GGNBP2: variants seen among roughly 807,000 people sequenced by gnomAD.
GGNBP2 encodes gametogenetin-binding protein 2.
GGNBP2 carries 10 observed loss-of-function variants against 85.9 expected under a neutral mutation model. That is an observed-to-expected ratio of 0.12 (90% CI 0.07 to 0.20). The LOEUF is 0.20. GGNBP2 is among the 10% of genes least tolerant of loss of function. The pLI is 1.00. For synonymous variants in GGNBP2, 287 were observed against 285.7 expected (o/e 1.00, Z -0.05); for missense variants, 595 against 857.8 (o/e 0.69, Z 3.83).
chr17:36,587,479 T>C (rs2142793743), intron 13 of GGNBP2: 1 of 511,082 alleles, frequency 2.0e-6, no homozygotes. Flanking sequence ...ACATTATAGG[T>C]ATTCCTTGAG....
At chr17:36,567,346 AATAT>A (rs1048837074) in intron 5 of GGNBP2, among the ~76,000 whole-genome samples, 41 of 152,330 alleles carry the variant, frequency 2.7e-4, no homozygotes, top group African/African-American at 9.1e-4. Flanking sequence ...AACATGTTCT[AATAT>A]CTTAATCATT....
At chr17:36,559,614 G>A (rs1423462180) in intron 4 of GGNBP2, among the ~76,000 whole-genome samples, 1 of 152,116 alleles carries the variant, frequency 6.6e-6, no homozygotes, top group Non-Finnish European at 1.5e-5. Context: ...TTGAACAGAG[G>A]AATAATGTAA....
chr17:36,587,017 T>C lies in GGNBP2; in HGVS notation c.1662T>C (p.Cys554=). 6.2e-7 allele frequency: 1 copy of C among 1,613,648 alleles called. No individual in the cohort carries two copies. Among genetic ancestry groups the C allele is most frequent in the South Asian group, 1.1e-5 (1 of 91,066 alleles). ...ATCAGATCCAGAAGCTTGGAAGCTG[T>C]ATTACAGATCCAGGTAATCGAGAGA... The part of the protein sequence containing the change: ...CDEHIQKLGS[C]ITDPGNRETS... Residue 554 remains cysteine (C), a synonymous_variant, in exon 13 of 14, where the codon TGT becomes TGC. Coordinates refer to ENST00000613102, the MANE Select transcript of GGNBP2 (RefSeq NM_024835.5).
chr17:36,554,352 A>AT (rs780217291), intron 2 of GGNBP2, among the ~76,000 whole-genome samples: 2,592 of 44,480 alleles, frequency 0.058, 314 homozygotes, highest in Middle Eastern at 0.071. Context: ...ATGTACTTGA[A>AT]TTTTTTTTTT....
In GGNBP2 at chr17:36,585,383, C is replaced by T. The variant is rs764220816; in HGVS notation, c.1299C>T (p.Thr433=). The change falls in exon 10 of 14, where the codon ACC becomes ACT. Residue 433 remains threonine (T), a synonymous_variant. Transcript: ENST00000613102. ...ATACTTGTGTAGAAGTAATTGTTAC[C>T]AATGAAAATACATCATGTACCTGTC... ...DGNTCVEVIV[T]NENTSCTCPS... 6.2e-7 allele frequency: 1 copy of T among 1,611,890 alleles called. No individual in the cohort carries two copies. The highest frequency in any genetic ancestry group is 8.5e-7 in the Non-Finnish European group (1 of 1,178,258).
At chr17:36,550,934 AAC>A (rs1279993431) in intron 2 of GGNBP2, among the ~76,000 whole-genome samples, 9 of 152,222 alleles carry the variant, frequency 5.9e-5, no homozygotes, top group African/African-American at 1.9e-4. Context: ...CATCTCTTAA[AAC>A]ACTGAACAGC....
chr17:36,568,287 A>T (rs2074488083), intron 6 of GGNBP2, among the ~76,000 whole-genome samples: 1 of 149,392 alleles, frequency 6.7e-6, no homozygotes, highest in Admixed American at 6.7e-5. Context: ...AGCATCTCCT[A>T]TTTTGTGATT....
At chr17:36,550,024 G>C (rs979054927) in intron 2 of GGNBP2, among the ~76,000 whole-genome samples, 1 of 151,386 alleles carries the variant, frequency 6.6e-6, no homozygotes, top group Non-Finnish European at 1.5e-5. Context: ...TGCAACCTCC[G>C]CCTTCCAGGT....
At chr17:36,577,454 C>G (rs2074602679) in intron 6 of GGNBP2, 1 of 153,474 alleles carries the variant, frequency 6.5e-6, no homozygotes, top group Admixed American at 6.5e-5. Context: ...ACACCACTTT[C>G]CCATTCTTCT....
At chr17:36,556,961 G>A in intron 3 of GGNBP2, 122 bp from the exon 4 acceptor site, 3 of 1,116,538 alleles carry the variant, frequency 2.7e-6, no homozygotes, top group South Asian at 2.8e-5. Context: ...TCAGTTGCAG[G>A]TAGAGCTGGT....
intron 3 of GGNBP2, among the ~76,000 whole-genome samples, chr17:36,555,650 C>A (rs535542381): frequency 6.6e-6 from 1 of 152,060 alleles, no homozygotes; most frequent in East Asian, 1.9e-4. Context: ...CAGCTGAGAT[C>A]GCATCACTGC....
intron 3 of GGNBP2, among the ~76,000 whole-genome samples, chr17:36,555,550 G>A (rs898054057): frequency 5.9e-5 from 9 of 152,100 alleles, no homozygotes; most frequent in African/African-American, 2.2e-4. Flanking sequence ...AAAAAAGTTG[G>A]GCAGACATGG....
intron 13 of GGNBP2, among the ~76,000 whole-genome samples, chr17:36,588,948 A>G (rs1359358947): frequency 6.6e-6 from 1 of 150,422 alleles, no homozygotes; most frequent in African/African-American, 2.5e-5. Context: ...AGGCCAAGGT[A>G]TGGTGGTAGT....
At chr17:36,567,819 A>T in intron 6 of GGNBP2, 43 bp downstream of exon 6, 1 of 1,025,838 alleles carries the variant, frequency 9.7e-7, no homozygotes, top group Non-Finnish European at 1.5e-6. Context: ...AAGGTGCCTT[A>T]TGTGTCAGTC....
chr17:36,589,298 A>C lies in GGNBP2; in HGVS notation c.1981A>C (p.Asn661His), dbSNP rs751467624. 6.2e-7 allele frequency: 1 copy of C among 1,612,674 alleles called. No individual in the cohort carries two copies. The highest frequency in any genetic ancestry group is 8.5e-7 in the Non-Finnish European group (1 of 1,178,666). ...FMANNQSFYSNREQYRQHLKE... is the reference protein window; with the variant it reads ...FMANNQSFYSHREQYRQHLKE... ...GGCTAATAACCAGTCTTTCTACAGCAATAGAGAACAATACCGACAGCATCT... is the reference window on the plus strand; with the variant it reads ...GGCTAATAACCAGTCTTTCTACAGCCATAGAGAACAATACCGACAGCATCT... The change falls in exon 14 of 14, where the codon AAT (asparagine) becomes CAT (histidine). Residue 661 changes from asparagine to histidine, a missense_variant. Asn to His is a moderately conservative substitution (Grantham distance 68, BLOSUM62 1). Around this residue, in one of 9 missense-constraint regions of GGNBP2, gnomAD observed 12 missense variants for 38.2 expected, o/e 0.31. Coordinates refer to ENST00000613102, the MANE Select transcript of GGNBP2 (RefSeq NM_024835.5).
chr17:36,553,475 A>T (rs1263720789), intron 2 of GGNBP2, among the ~76,000 whole-genome samples: 1 of 152,220 alleles, frequency 6.6e-6, no homozygotes. Flanking sequence ...ATATGGAAGG[A>T]AAGGAATGGT....
chr17:36,554,806 G>A lies in GGNBP2; in HGVS notation c.94-14G>A, dbSNP rs201262222. 1 of 1,534,742 alleles carries A rather than the reference G, an allele frequency of 6.5e-7. No homozygotes were observed. Among genetic ancestry groups the A allele is most frequent in the Non-Finnish European group, 9.0e-7 (1 of 1,107,652 alleles). ...GGGTAAAGTAATTGATTTCCGTTCTGTTTGCATTTTAAGATGGTGATGGAA... is the reference window on the plus strand; with the variant it reads ...GGGTAAAGTAATTGATTTCCGTTCTATTTGCATTTTAAGATGGTGATGGAA... On this transcript the variant is annotated splice_polypyrimidine_tract_variant and intron_variant, in intron 2 of 13. Transcript: ENST00000613102.
Position 36,576,609 on chromosome 17 carries a change from G to A in GGNBP2, c.642-1374G>A, listed in dbSNP as rs1377434632. The A allele has an allele frequency of 6.7e-4, 80 of 119,200 alleles. 2 individuals carry two copies. The highest frequency in any genetic ancestry group is 1.6e-3 in the East Asian group (7 of 4,460). The allele number at this position is 119,200 out of a possible 1,614,324, so 7.4% of individuals were successfully genotyped here. On this transcript the variant is annotated intron_variant, in intron 6 of 13. Transcript: ENST00000613102. ...AATATATATATATGTGTGTGTGTGT[G>A]TGTGTGTGTGTGTGTGTGTGTATAT...
rs887053537 is a variant in GGNBP2, at chr17:36,584,397, G to A, written c.1216-903G>A. ...CTGTCGCCCACAGTGGAGTGCGGTG[G>A]TGTGATCTTGGCTCACTGCAGGCTC... On this transcript the variant is annotated intron_variant, in intron 9 of 13. Transcript: ENST00000613102. 3.9e-5 allele frequency among the ~76,000 whole-genome samples: 6 copies of A among 152,124 alleles called. No homozygotes were observed. The South Asian group carries it at 8.3e-4, about 21-fold the overall frequency.
Sources: allele counts gnomAD v4.1 joint callset (sites outside exome capture counted in the v4.1 genomes callset), GRCh38; gene constraint gnomAD v4.1.1; regional missense constraint gnomAD v4.1.1; transcripts MANE v1.5; gene names NCBI Gene and HGNC (gene_info 2026-07-23, HGNC 2026-07-21).